Variants in SUCO observed in about 807,000 individuals in gnomAD.
The protein encoded by SUCO is SUN domain-containing ossification factor.
SUCO carries 57 observed loss-of-function variants against 148.1 expected under a neutral mutation model. The observed-to-expected ratio is 0.38, with a 90% confidence interval of 0.31 to 0.48. The LOEUF (loss-of-function observed/expected upper bound fraction) is 0.48. Ranked by LOEUF, SUCO falls within the 20% of genes least tolerant of loss-of-function variation. The pLI is 0.96. For missense variants in SUCO, 1,331 were observed against 1,468.2 expected (o/e 0.91, Z 1.53); for synonymous variants, 470 against 502.7 (o/e 0.93, Z 0.87).
At chr1:172,566,678 T>G (rs549879457) in intron 6 of SUCO, among the ~76,000 whole-genome samples, 1 of 152,268 alleles carries the variant, frequency 6.6e-6, no homozygotes, top group Admixed American at 6.5e-5. Flanking sequence ...TATATGCAAA[T>G]TAAGGGGTGG....
rs1658201863 is a variant in SUCO, at chr1:172,611,355, CTG to C, written c.*1098_*1099del. On this transcript the variant is annotated 3_prime_UTR_variant, in exon 24 of 24. Coordinates refer to ENST00000263688, the MANE Select transcript of SUCO (RefSeq NM_014283.5). ...GTCTTTAAAAAATAATTGGCAGCAA[CTG>C]TATTTGAATAAAATGATTTCTTAGT... The C allele has an allele frequency of 6.6e-6, 1 of 152,370 alleles. No individual in the cohort carries two copies. Among genetic ancestry groups the C allele is most frequent in the Admixed American group, 6.6e-5 (1 of 15,260 alleles). The allele number at this position is 152,370 out of a possible 1,614,324, so 9.4% of individuals were successfully genotyped here. A position where few individuals can be genotyped will look rare whatever the true frequency, so the allele number is the denominator to read the frequency against.
At chr1:172,563,427 A>C (rs1183591033) in intron 6 of SUCO, among the ~76,000 whole-genome samples, 1 of 152,252 alleles carries the variant, frequency 6.6e-6, no homozygotes, top group African/African-American at 2.4e-5. Flanking sequence ...GAATTTGAGC[A>C]GAGGTGACTC....
Position 172,551,566 on chromosome 1 carries a change from A to G in SUCO, c.117A>G (p.Ser39=). The change falls in exon 2 of 24, where the codon TCA becomes TCG. Residue 39 remains serine (S), a synonymous_variant. Transcript: ENST00000263688. ...CKESSSASAS[S]YYSQDDNCAL... ...AGAGTTCTTCAGCTTCAGCGTCATC[A>G]TATTACTCTCAAGATGACAACTGCG... 1 of 1,611,890 alleles carries G rather than the reference A, an allele frequency of 6.2e-7. No homozygotes were observed. The highest frequency in any genetic ancestry group is 2.2e-5 in the East Asian group (1 of 44,744).
Position 172,597,065 on chromosome 1 carries a change from G to A in SUCO, c.2914-2999G>A, listed in dbSNP as rs534169316. Among the ~76,000 whole-genome samples, 21 of 152,280 alleles carry A rather than the reference G, an allele frequency of 1.4e-4. 1 individual carries two copies. The highest frequency in any genetic ancestry group is 4.1e-4 in the African/African-American group (17 of 41,552). On this transcript the variant is annotated intron_variant, in intron 19 of 23. Transcript: ENST00000263688. Reference sequence around the variant, plus strand: ...CTGTGATAGCAGTGAGCGAGGCTCCGTGGGCATGGGACCCTCCGAGCCATG... The same window carrying A: ...CTGTGATAGCAGTGAGCGAGGCTCCATGGGCATGGGACCCTCCGAGCCATG...
chr1:172,589,122 A>T lies in SUCO; in HGVS notation c.2021A>T (p.Asp674Val). ...TTACTACTTCCTGCGGAATCAGTAGATGTTTCAGTATTGCAACCTCTGAGT... is the reference window on the plus strand; with the variant it reads ...TTACTACTTCCTGCGGAATCAGTAGTTGTTTCAGTATTGCAACCTCTGAGT... ...PPLLLPAESV[D>V]VSVLQPLSGE... The change falls in exon 18 of 24, where the codon GAT (aspartate) becomes GTT (valine). Residue 674 changes from aspartate to valine, a missense_variant. Coordinates refer to ENST00000263688, the MANE Select transcript of SUCO (RefSeq NM_014283.5). 1 of 1,613,686 alleles carries T rather than the reference A, an allele frequency of 6.2e-7. No individual in the cohort carries two copies. The highest frequency in any genetic ancestry group is 1.1e-5 in the South Asian group (1 of 91,018).
chr1:172,556,169 G>A lies in SUCO; in HGVS notation c.443+146G>A, dbSNP rs914378556. On this transcript the variant is annotated intron_variant, in intron 4 of 23. Transcript: ENST00000263688. ...AAATTACAGTGCTTGTGTTTTGTGTGCGTATGTGTGCATGCGTTTGTGTGT... is the reference window on the plus strand; with the variant it reads ...AAATTACAGTGCTTGTGTTTTGTGTACGTATGTGTGCATGCGTTTGTGTGT... 2.5e-5 allele frequency: 15 copies of A among 603,118 alleles called. No individual in the cohort carries two copies. The highest frequency in any genetic ancestry group is 2.0e-4 in the African/African-American group (11 of 53,978). The allele number at this position is 603,118 out of a possible 1,614,324, so 37.4% of individuals were successfully genotyped here. A position where few individuals can be genotyped will look rare whatever the true frequency, so the allele number is the denominator to read the frequency against.
chr1:172,590,272 A>G (rs997289402), intron 18 of SUCO: 40 of 934,568 alleles, frequency 4.3e-5, no homozygotes, highest in Non-Finnish European at 4.8e-5. Flanking sequence ...ATGATAGTAT[A>G]TAGACCTTAA....
chr1:172,534,968 A>AT (rs930872235), intron 1 of SUCO, among the ~76,000 whole-genome samples: 2 of 152,170 alleles, frequency 1.3e-5, no homozygotes, highest in South Asian at 4.1e-4. Context: ...GCTTTTTTTA[A>AT]TTTTTTAATT....
chr1:172,588,447 C>T (rs1294723130), intron 17 of SUCO: 1 of 984,902 alleles, frequency 1.0e-6, no homozygotes, highest in East Asian at 1.1e-4. Context: ...AGGAACACTA[C>T]ATTCAGTGAA....
chr1:172,551,460 T>G (rs1653290055), intron 1 of SUCO, 52 bp from the exon 2 acceptor site: 1 of 1,225,058 alleles, frequency 8.2e-7, no homozygotes, highest in African/African-American at 1.5e-5. Flanking sequence ...ACTTTTCTTC[T>G]TTCTTTCTCT....
rs1658128086 is a variant in SUCO at position 172,610,179 on chromosome 1, A to C, written c.3685A>C (p.Ser1229Arg). 6.2e-7 allele frequency: 1 copy of C among 1,613,394 alleles called. No individual in the cohort carries two copies. Residue 1229 changes from serine to arginine, a missense_variant, in exon 24 of 24, where the codon AGC becomes CGC. Around this residue, in one of 3 missense-constraint regions of SUCO, gnomAD observed 334 missense variants for 352.3 expected, o/e 0.95. Coordinates refer to ENST00000263688, the MANE Select transcript of SUCO (RefSeq NM_014283.5). ...ACAGACTAAGTCGGGATCATTGCCG[A>C]GCCTGCATGACATAATCAAAGGAAA... ...LIQTKSGSLP[S>R]LHDIIKGNKE...
chr1:172,545,865 A>G (rs759967322), intron 1 of SUCO, among the ~76,000 whole-genome samples: 1 of 152,192 alleles, frequency 6.6e-6, no homozygotes, highest in Non-Finnish European at 1.5e-5. Context: ...TGAGGCATAT[A>G]GGCTGGCCTG....
At position 172,539,092 on chromosome 1, in the gene SUCO, A is replaced by G. The variant is rs77909903; in HGVS notation, c.62+5595A>G. Among the ~76,000 whole-genome samples, 1,391 of 152,314 alleles carry G rather than the reference A, an allele frequency of 9.1e-3. 23 individuals are homozygous for G. Among genetic ancestry groups the G allele is most frequent in the African/African-American group, 0.032 (1,329 of 41,564 alleles). The stretch of plus-strand genomic sequence containing the variant: ...TGGTTATTTCATTTTTCGTTTGTTC[A>G]TGAACTTGTACATCACTCTTTCACT... On this transcript the variant is annotated intron_variant, in intron 1 of 23. Coordinates refer to ENST00000263688, the MANE Select transcript of SUCO (RefSeq NM_014283.5).
At chr1:172,572,709 A>AG in intron 9 of SUCO, among the ~76,000 whole-genome samples, 1 of 148,354 alleles carries the variant, frequency 6.7e-6, no homozygotes, top group East Asian at 1.9e-4. Context: ...AAAAAAAAAA[A>AG]AAAAAAAAAA....
At chr1:172,594,118 GAT>G (rs1656891480) in intron 19 of SUCO, among the ~76,000 whole-genome samples, 1 of 152,016 alleles carries the variant, frequency 6.6e-6, no homozygotes, top group Non-Finnish European at 1.5e-5. Flanking sequence ...GATTGGTGGT[GAT>G]ATCCCCTTTA....
intron 1 of SUCO, among the ~76,000 whole-genome samples, chr1:172,537,192 A>G (rs1312281262): frequency 2.0e-5 from 3 of 152,138 alleles, no homozygotes; most frequent in Non-Finnish European, 4.4e-5. Flanking sequence ...CATCCACCTT[A>G]ATTGTCTATA....
chr1:172,577,589 A>G (rs1380136670), intron 12 of SUCO, 30 bp downstream of exon 12: 1 of 1,608,764 alleles, frequency 6.2e-7, no homozygotes, highest in Non-Finnish European at 8.5e-7. Context: ...GCACTATTAA[A>G]TAACAGGGCA....
In SUCO at chr1:172,585,607, C is replaced by T. The variant is rs114599965; in HGVS notation, c.1568-251C>T. Among the ~76,000 whole-genome samples, 577 of 152,042 alleles carry T rather than the reference C, an allele frequency of 3.8e-3. 4 individuals carry two copies. The highest frequency in any genetic ancestry group is 0.014 in the Middle Eastern group (4 of 294). ...CAGTATCTAGAAGGCATATTAATCA[C>T]GTAAGGTTACACAACATTCATAGTC... On this transcript the variant is annotated intron_variant, in intron 16 of 23. Transcript: ENST00000263688.
intron 22 of SUCO, among the ~76,000 whole-genome samples, chr1:172,607,415 A>T (rs1657929965): frequency 6.6e-6 from 1 of 151,870 alleles, no homozygotes; most frequent in Admixed American, 6.6e-5. Flanking sequence ...AGTCCTTTGG[A>T]GTCTCAGTTT....
Sources: allele counts gnomAD v4.1 joint callset (sites outside exome capture counted in the v4.1 genomes callset), GRCh38; gene constraint gnomAD v4.1.1; regional missense constraint gnomAD v4.1.1; transcripts MANE v1.5; gene names NCBI Gene and HGNC (gene_info 2026-07-23, HGNC 2026-07-21).